The following JAZF1 variants were observed in gnomAD, a reference collection of about 807,000 sequenced individuals.
JAZF1 encodes the protein JAZF zinc finger 1.
Under a neutral mutation model 26.4 loss-of-function variants are expected in JAZF1, and 8 were observed. The ratio of observed to expected loss-of-function variants is 0.30; its 90% CI spans 0.18 to 0.55. The LOEUF (loss-of-function observed/expected upper bound fraction) is 0.55, where lower values mean the gene tolerates loss of function less well. Ranked by LOEUF, JAZF1 falls within the 20% of genes least tolerant of loss-of-function variation. The pLI is 0.94. For missense variants in JAZF1, 199 were observed against 322.0 expected, an observed-to-expected ratio of 0.62 and a Z score of 2.92; for synonymous variants, 126 against 122.3, an observed-to-expected ratio of 1.03 and a Z score of -0.20.
chr7:28,179,784 C>A (rs991690159), intron 1 of JAZF1, among the ~76,000 whole-genome samples: 1 of 147,774 alleles, frequency 6.8e-6, no homozygotes, highest in Admixed American at 6.7e-5. Flanking sequence ...GCTCCCCGGC[C>A]CCCGCCCGCG....
intron 1 of JAZF1, among the ~76,000 whole-genome samples, chr7:28,098,663 C>T (rs752489701): frequency 3.3e-5 from 5 of 152,078 alleles, no homozygotes; most frequent in Admixed American, 6.6e-5. Flanking sequence ...ACAATGTGTC[C>T]CACTGAGGAG....
At chr7:28,148,277 G>T (rs1783057389) in intron 1 of JAZF1, among the ~76,000 whole-genome samples, 1 of 152,052 alleles carries the variant, frequency 6.6e-6, no homozygotes, top group African/African-American at 2.4e-5. Flanking sequence ...CACCATGTTG[G>T]CCAGGCTGGT....
intron 3 of JAZF1, among the ~76,000 whole-genome samples, chr7:27,869,715 A>G (rs1373550125): frequency 6.6e-6 from 1 of 152,176 alleles, no homozygotes; most frequent in Non-Finnish European, 1.5e-5. Flanking sequence ...CTTTGTGTAA[A>G]ACAAAAATAG....
At chr7:28,065,234 C>T (rs898071510) in intron 1 of JAZF1, among the ~76,000 whole-genome samples, 1 of 152,130 alleles carries the variant, frequency 6.6e-6, no homozygotes, top group African/African-American at 2.4e-5. Context: ...GGGAGCCAGA[C>T]TTGGGTCCAG....
At chr7:28,076,508 A>T (rs1784053540) in intron 1 of JAZF1, among the ~76,000 whole-genome samples, 1 of 152,206 alleles carries the variant, frequency 6.6e-6, no homozygotes, top group South Asian at 2.1e-4. Context: ...GCTAAAAAAG[A>T]CTGATGAAAT....
chr7:27,887,778 T>C (rs1250892611), intron 3 of JAZF1, among the ~76,000 whole-genome samples: 1 of 152,120 alleles, frequency 6.6e-6, no homozygotes, highest in African/African-American at 2.4e-5. Flanking sequence ...TTCTAAGTGG[T>C]ATAGCTGTGG....
intron 2 of JAZF1, among the ~76,000 whole-genome samples, chr7:27,952,810 A>T (rs569906750): frequency 6.6e-6 from 1 of 152,252 alleles, no homozygotes; most frequent in Non-Finnish European, 1.5e-5. Context: ...AGGAAAAAAC[A>T]CATTAAGATA....
At chr7:28,113,587 C>G (rs1403035802) in intron 1 of JAZF1, among the ~76,000 whole-genome samples, 2 of 152,206 alleles carry the variant, frequency 1.3e-5, no homozygotes, top group African/African-American at 4.8e-5. Flanking sequence ...ATGGACCAGG[C>G]ACAGTGCTAG....
At chr7:27,877,798 G>T (rs145510490) in intron 3 of JAZF1, among the ~76,000 whole-genome samples, 5 of 152,284 alleles carry the variant, frequency 3.3e-5, no homozygotes, top group Admixed American at 6.5e-5. Context: ...TCACGTCTAC[G>T]TTATTTGTGG....
At chr7:28,107,337 G>A (rs935923107) in intron 1 of JAZF1, among the ~76,000 whole-genome samples, 12 of 152,210 alleles carry the variant, frequency 7.9e-5, no homozygotes, top group African/African-American at 2.9e-4. Context: ...TATAGTAGCT[G>A]AGGCAAGTCA....
chr7:27,980,305 T>C (rs1785555614), intron 2 of JAZF1, among the ~76,000 whole-genome samples: 1 of 152,178 alleles, frequency 6.6e-6, no homozygotes, highest in Non-Finnish European at 1.5e-5. Context: ...TGCAGCAGAT[T>C]GGACGCAAAA....
chr7:28,085,000 T>C (rs1784192187), intron 1 of JAZF1, among the ~76,000 whole-genome samples: 1 of 151,992 alleles, frequency 6.6e-6, no homozygotes, highest in South Asian at 2.1e-4. Flanking sequence ...CTCTGTAGAG[T>C]CCCCACTTGG....
chr7:28,030,631 C>G (rs1278655523), intron 1 of JAZF1, among the ~76,000 whole-genome samples: 1 of 151,930 alleles, frequency 6.6e-6, no homozygotes, highest in Non-Finnish European at 1.5e-5. Context: ...ACTTGTACCA[C>G]TAAAAAAAAG....
chr7:27,895,439 G>A (rs1384756809), intron 2 of JAZF1, 23 bp from the exon 3 acceptor site: 32 of 1,559,528 alleles, frequency 2.1e-5, no homozygotes, highest in Non-Finnish European at 2.8e-5. Flanking sequence ...TGGAAGGTAA[G>A]GAACCTGGGC....
intron 1 of JAZF1, among the ~76,000 whole-genome samples, chr7:28,173,123 T>C (rs1007501088): frequency 6.6e-6 from 1 of 152,180 alleles, no homozygotes; most frequent in African/African-American, 2.4e-5. Flanking sequence ...GGCAATATAT[T>C]CAAAAACGGC....
chr7:27,832,146 G>A lies in JAZF1; in HGVS notation c.*654C>T, dbSNP rs1782716645. 4.7e-6 allele frequency: 1 copy of A among 213,072 alleles called. No homozygotes were observed. Among genetic ancestry groups the A allele is most frequent in the Non-Finnish European group, 9.5e-6 (1 of 105,236 alleles). 13.2% of individuals were successfully genotyped at this position (213,072 alleles called of 1,614,324 possible). A position where few individuals can be genotyped will look rare whatever the true frequency, so the allele number is the denominator to read the frequency against. On this transcript the variant is annotated 3_prime_UTR_variant, in exon 5 of 5. Transcript: ENST00000283928. ...TTTATAACACTAAAATGACTAGTAAGTCAGATGGCAAGATTTTCAGCTTTT... is the reference window on the plus strand; with the variant it reads ...TTTATAACACTAAAATGACTAGTAAATCAGATGGCAAGATTTTCAGCTTTT...
At chr7:28,134,224 G>C (rs925547332) in intron 1 of JAZF1, among the ~76,000 whole-genome samples, 6 of 152,086 alleles carry the variant, frequency 3.9e-5, no homozygotes, top group African/African-American at 1.4e-4. Flanking sequence ...AGTTTCAAAG[G>C]CATAGCCAAT....
intron 1 of JAZF1, among the ~76,000 whole-genome samples, chr7:28,024,444 T>C (rs1230261944): frequency 1.3e-5 from 2 of 152,178 alleles, no homozygotes; most frequent in Non-Finnish European, 1.5e-5. Context: ...AGGATTTTGG[T>C]GAGCTAGAGG....
At chr7:27,860,027 T>TA (rs2128335917) in intron 3 of JAZF1, among the ~76,000 whole-genome samples, 1 of 152,298 alleles carries the variant, frequency 6.6e-6, no homozygotes, top group Admixed American at 6.5e-5. Flanking sequence ...AGGTGCTCCT[T>TA]ACAATAGTCA....
Sources: allele counts gnomAD v4.1 joint callset (sites outside exome capture counted in the v4.1 genomes callset), GRCh38; gene constraint gnomAD v4.1.1; transcripts MANE v1.5; gene names NCBI Gene and HGNC (gene_info 2026-07-23, HGNC 2026-07-21).